The following ELMO1 variants were observed in gnomAD, a reference collection of about 807,000 sequenced individuals.
ELMO1 encodes engulfment and cell motility 1.
In ELMO1, 26 loss-of-function variants were observed where a neutral mutation model predicts 98.9. The observed-to-expected ratio is 0.26, with a 90% confidence interval of 0.19 to 0.36. The LOEUF (loss-of-function observed/expected upper bound fraction) is 0.36. Among genes scored for constraint, ELMO1 ranks in the 10% least tolerant of loss-of-function variants. The pLI is 1.00. For missense variants in ELMO1, 627 were observed against 935.2 expected (o/e 0.67, Z 4.30); for synonymous variants, 346 against 346.0 (o/e 1.00, Z 0.00).
chr7:37,170,004 C>T (rs1186039245), intron 13 of ELMO1, among the ~76,000 whole-genome samples: 1 of 152,086 alleles, frequency 6.6e-6, no homozygotes, highest in South Asian at 2.1e-4. Context: ...TGGGTTCAAG[C>T]GATTCTCCCG....
At chr7:36,909,573 G>T (rs1362787446) in intron 16 of ELMO1, among the ~76,000 whole-genome samples, 1 of 152,218 alleles carries the variant, frequency 6.6e-6, no homozygotes, top group African/African-American at 2.4e-5. Context: ...AAATTAATTG[G>T]TTCTTTTTTC....
In ELMO1 at chr7:37,196,148, G is replaced by T. The variant is rs566250463; in HGVS notation, c.1086+15238C>A. Among the ~76,000 whole-genome samples, 4 of 152,328 alleles carry T rather than the reference G, an allele frequency of 2.6e-5. No homozygotes were observed. The East Asian group carries it at 7.7e-4, about 29-fold the overall frequency. On this transcript the variant is annotated intron_variant, in intron 13 of 21. Coordinates refer to ENST00000310758, the MANE Select transcript of ELMO1 (RefSeq NM_014800.11). Reference sequence around the variant, plus strand: ...GGCAGGCAGAGGCTCAATAAGCTGAGAATGGAGACAAGGCCTCTTGGATTT... The same window carrying T: ...GGCAGGCAGAGGCTCAATAAGCTGATAATGGAGACAAGGCCTCTTGGATTT...
At chr7:36,991,472 T>G (rs917423085) in intron 16 of ELMO1, among the ~76,000 whole-genome samples, 2 of 152,216 alleles carry the variant, frequency 1.3e-5, no homozygotes, top group Non-Finnish European at 2.9e-5. Context: ...TTCTCTAGTA[T>G]TTGGGCTGAC....
chr7:37,217,513 G>A (rs1364277391), intron 10 of ELMO1, among the ~76,000 whole-genome samples: 2 of 151,686 alleles, frequency 1.3e-5, no homozygotes, highest in African/African-American at 4.9e-5. Flanking sequence ...TTACTGAGTA[G>A]AGAAGAAACT....
At chr7:37,191,509 C>A (rs896933212) in intron 13 of ELMO1, among the ~76,000 whole-genome samples, 3 of 152,126 alleles carry the variant, frequency 2.0e-5, no homozygotes, top group African/African-American at 7.2e-5. Flanking sequence ...AGGAAATAAT[C>A]CTCAATGTGG....
chr7:37,155,138 T>TA (rs1405677950), intron 13 of ELMO1, among the ~76,000 whole-genome samples: 4 of 152,194 alleles, frequency 2.6e-5, no homozygotes, highest in African/African-American at 9.7e-5. Flanking sequence ...AGGCCTGCCT[T>TA]ACAAGAGCTC....
intron 16 of ELMO1, among the ~76,000 whole-genome samples, chr7:36,925,702 C>T (rs890343527): frequency 6.6e-6 from 1 of 152,174 alleles, no homozygotes; most frequent in African/African-American, 2.4e-5. Context: ...TTTTAACAAG[C>T]AATTTTTAAA....
At chr7:37,024,658 A>G (rs1283398562) in intron 15 of ELMO1, among the ~76,000 whole-genome samples, 1 of 152,220 alleles carries the variant, frequency 6.6e-6, no homozygotes, top group African/African-American at 2.4e-5. Context: ...CTCTTCTACT[A>G]TGATGGGAAT....
chr7:37,354,339 C>T (rs73114714), intron 1 of ELMO1, among the ~76,000 whole-genome samples: 3 of 152,270 alleles, frequency 2.0e-5, no homozygotes, highest in Non-Finnish European at 4.4e-5. Context: ...TTTTAAAATC[C>T]AGAATTCCTT....
chr7:37,013,457 TAA>T, intron 15 of ELMO1, 22 bp from the exon 16 acceptor site: 1 of 1,612,124 alleles, frequency 6.2e-7, no homozygotes, highest in Admixed American at 1.7e-5. Flanking sequence ...AGATGGAAAA[TAA>T]GAGAAAAAGT....
chr7:36,971,954 T>G (rs1405286320), intron 16 of ELMO1, among the ~76,000 whole-genome samples: 1 of 152,150 alleles, frequency 6.6e-6, no homozygotes, highest in African/African-American at 2.4e-5. Flanking sequence ...AAATAAAACT[T>G]CTAGAATTCC....
chr7:37,023,386 A>G (rs1202379822), intron 15 of ELMO1, among the ~76,000 whole-genome samples: 2 of 152,218 alleles, frequency 1.3e-5, no homozygotes, highest in African/African-American at 4.8e-5. Context: ...TGGGCTTTTC[A>G]GAATGAGTGT....
At chr7:37,423,166 C>T (rs1262844926) in intron 1 of ELMO1, among the ~76,000 whole-genome samples, 1 of 152,220 alleles carries the variant, frequency 6.6e-6, no homozygotes, top group Non-Finnish European at 1.5e-5. Flanking sequence ...CACAATTTCC[C>T]TTCAGTAACA....
intron 13 of ELMO1, among the ~76,000 whole-genome samples, chr7:37,142,403 T>C (rs1251199500): frequency 1.3e-5 from 2 of 152,246 alleles, no homozygotes; most frequent in Admixed American, 6.5e-5. Flanking sequence ...TTTACATGTA[T>C]TAAATCTCAC....
chr7:37,021,708 T>A (rs1794277468), intron 15 of ELMO1, among the ~76,000 whole-genome samples: 1 of 152,150 alleles, frequency 6.6e-6, no homozygotes, highest in Non-Finnish European at 1.5e-5. Context: ...ACCAATGGTT[T>A]CTATCTTATC....
At chr7:37,068,382 GTGACCAT>G (rs1797094299) in intron 15 of ELMO1, among the ~76,000 whole-genome samples, 1 of 152,150 alleles carries the variant, frequency 6.6e-6, no homozygotes, top group Admixed American at 6.6e-5. Context: ...TAGAATATTT[GTGACCAT>G]TAAGATGTGA....
chr7:37,341,089 G>C (rs1432988500), intron 2 of ELMO1, among the ~76,000 whole-genome samples: 1 of 151,894 alleles, frequency 6.6e-6, no homozygotes, highest in African/African-American at 2.4e-5. Flanking sequence ...ACTTGGGTCA[G>C]GAGGTCTGGA....
intron 1 of ELMO1, among the ~76,000 whole-genome samples, chr7:37,399,660 C>T (rs902400106): frequency 5.3e-5 from 8 of 152,190 alleles, no homozygotes; most frequent in Admixed American, 1.3e-4. Context: ...ATTCAGAATA[C>T]GCTGAGTGAC....
At chr7:37,347,018 C>T (rs1032812058) in intron 1 of ELMO1, among the ~76,000 whole-genome samples, 1 of 152,198 alleles carries the variant, frequency 6.6e-6, no homozygotes, top group African/African-American at 2.4e-5. Context: ...TGGGAATTCA[C>T]TTAACCAAGC....
Sources: gnomAD v4.1 joint callset for allele counts (sites outside exome capture counted in the v4.1 genomes callset) on GRCh38, gnomAD v4.1.1 for gene constraint, MANE v1.5 for transcripts, NCBI Gene and HGNC (gene_info 2026-07-23, HGNC 2026-07-21) for gene names.